NIPBL: variants seen among roughly 807,000 people sequenced by gnomAD.
The protein encoded by NIPBL is NIPBL cohesin loading factor.
NIPBL carries 19 observed loss-of-function variants against 321.8 expected under a neutral mutation model. The ratio of observed to expected loss-of-function variants is 0.06; its 90% CI spans 0.04 to 0.09. The LOEUF (loss-of-function observed/expected upper bound fraction) is 0.09, where lower values mean the gene tolerates loss of function less well. Among genes scored for constraint, NIPBL ranks in the 10% least tolerant of loss-of-function variants. The probability of loss-of-function intolerance (pLI) is 1.00; values close to 1 mark genes in which losing one functional copy is unlikely to be tolerated. For synonymous variants in NIPBL, 1,106 were observed against 1,114.1 expected, an observed-to-expected ratio of 0.99 and a Z score of 0.14; for missense variants, 2,210 against 3,327.0, an observed-to-expected ratio of 0.66 and a Z score of 8.26.
intron 10 of NIPBL, among the ~76,000 whole-genome samples, chr5:36,991,919 A>G (rs1355473881): frequency 1.3e-5 from 2 of 152,150 alleles, no homozygotes; most frequent in Non-Finnish European, 2.9e-5. Context: ...TTTTAAAAAG[A>G]AAACAGAACA....
Position 37,020,632 on chromosome 5 carries a change from A to T in NIPBL, c.5184A>T (p.Arg1728Ser), listed in dbSNP as rs780843089. The T allele has an allele frequency of 6.2e-7, 1 of 1,614,152 alleles. No individual in the cohort carries two copies. The highest frequency in any genetic ancestry group is 8.5e-7 in the Non-Finnish European group (1 of 1,180,018). Residue 1728 changes from arginine (R) to serine (S), a missense_variant, in exon 26 of 47, where the codon AGA becomes AGT. Arg to Ser is a moderately radical substitution (Grantham distance 110). Transcript: ENST00000282516. ...HRAENRKKFL[R>S]SIIKTTPSQF... ...CTGAAAACCGAAAAAAGTTTCTTAG[A>T]AGCATTATCAAAACCACACCTTCTC...
intron 38 of NIPBL, 112 bp from the exon 39 acceptor site, chr5:37,048,390 G>T: frequency 1.7e-6 from 1 of 576,974 alleles, no homozygotes; most frequent in South Asian, 4.4e-5. Flanking sequence ...GTCATTTTAA[G>T]TTTTAATTTT....
intron 1 of NIPBL, among the ~76,000 whole-genome samples, chr5:36,916,302 T>G (rs552200215): frequency 6.6e-6 from 1 of 152,372 alleles, no homozygotes; most frequent in East Asian, 1.9e-4. Flanking sequence ...AACTTACTGC[T>G]TTAGTTTGAA....
At chr5:37,062,042 A>G (rs1228777576) in intron 45 of NIPBL, among the ~76,000 whole-genome samples, 2 of 152,134 alleles carry the variant, frequency 1.3e-5, no homozygotes, top group Non-Finnish European at 2.9e-5. Context: ...GGGTTTCACC[A>G]TGTTGGCCAG....
intron 1 of NIPBL, among the ~76,000 whole-genome samples, chr5:36,890,531 A>G (rs777172746): frequency 1.6e-4 from 24 of 152,146 alleles, no homozygotes; most frequent in Non-Finnish European, 2.1e-4. Flanking sequence ...TCTTTTTACT[A>G]TATATTTTTA....
At chr5:36,884,754 A>G (rs1325744867) in intron 1 of NIPBL, among the ~76,000 whole-genome samples, 1 of 152,226 alleles carries the variant, frequency 6.6e-6, no homozygotes, top group Admixed American at 6.5e-5. Flanking sequence ...ATCTAAGATT[A>G]GTGAATGGCA....
chr5:37,064,028 A>G, intron 46 of NIPBL, 50 bp downstream of exon 46: 1 of 1,598,606 alleles, frequency 6.3e-7, no homozygotes, highest in Non-Finnish European at 8.5e-7. Flanking sequence ...ACGTAAAATG[A>G]TTTTTATGTG....
intron 1 of NIPBL, among the ~76,000 whole-genome samples, chr5:36,878,108 T>TA (rs1372548080): frequency 6.6e-6 from 1 of 152,254 alleles, no homozygotes; most frequent in Non-Finnish European, 1.5e-5. Context: ...TGTGCTGAGA[T>TA]ACGGGTAAAA....
intron 21 of NIPBL, 85 bp from the exon 22 acceptor site, chr5:37,014,598 C>T (rs1048021584): frequency 7.6e-6 from 6 of 794,166 alleles, no homozygotes; most frequent in Middle Eastern, 2.6e-4. Flanking sequence ...AATATATTAC[C>T]CCTCTTCAGT....
intron 1 of NIPBL, chr5:36,886,105 T>TA: frequency 1.5e-6 from 1 of 674,838 alleles, no homozygotes; most frequent in Non-Finnish European, 2.7e-6. Context: ...AGCTGAGACA[T>TA]ACGGTCCAGT....
At chr5:37,034,403 C>A (rs1436970575) in intron 32 of NIPBL, among the ~76,000 whole-genome samples, 1 of 152,140 alleles carries the variant, frequency 6.6e-6, no homozygotes, top group Non-Finnish European at 1.5e-5. Flanking sequence ...TATATACACA[C>A]AAAAGAATCT....
intron 6 of NIPBL, 38 bp from the exon 7 acceptor site, chr5:36,970,838 T>C: frequency 6.5e-7 from 1 of 1,546,256 alleles, no homozygotes. Flanking sequence ...ATGTTAAGAA[T>C]CTTTTATTAA....
intron 34 of NIPBL, among the ~76,000 whole-genome samples, chr5:37,043,585 C>T (rs1752679382): frequency 6.6e-6 from 1 of 151,832 alleles, no homozygotes; most frequent in African/African-American, 2.4e-5. Context: ...GCCTGTAGTC[C>T]TAGCTACTCG....
intron 1 of NIPBL, among the ~76,000 whole-genome samples, chr5:36,908,692 A>C (rs1747826848): frequency 6.6e-6 from 1 of 152,230 alleles, no homozygotes; most frequent in Non-Finnish European, 1.5e-5. Context: ...CAGTGTCCAA[A>C]ATTGCATCCA....
intron 2 of NIPBL, among the ~76,000 whole-genome samples, chr5:36,954,098 AT>A (rs1465808366): frequency 1.3e-5 from 2 of 152,172 alleles, no homozygotes; most frequent in Non-Finnish European, 2.9e-5. Context: ...TTTGTTAGGC[AT>A]TTGTAACTAT....
At position 36,906,203 on chromosome 5, in the gene NIPBL, AT is replaced by A. The variant is rs141775306; in HGVS notation, c.-80+29026del. 3.6e-4 allele frequency among the ~76,000 whole-genome samples: 55 copies of A among 152,326 alleles called. No individual in the cohort carries two copies. In the East Asian group the frequency reaches 0.01, roughly 29 times the overall value. Reference sequence around the variant, plus strand: ...CCTACCATTTCTGCGAATGAAGTATATAATCATTATCTAATATAGCTAATAT... The same window carrying A: ...CCTACCATTTCTGCGAATGAAGTATAAATCATTATCTAATATAGCTAATAT... On this transcript the variant is annotated intron_variant, in intron 1 of 46. Transcript: ENST00000282516.
chr5:36,999,943 T>C lies in NIPBL; in HGVS notation c.3305-430T>C, dbSNP rs187922532. Among the ~76,000 whole-genome samples the C allele has an allele frequency of 3.3e-3, 510 of 152,294 alleles. 2 individuals are homozygous for C. Among genetic ancestry groups the C allele is most frequent in the African/African-American group, 0.012 (490 of 41,562 alleles). ...TGTAACACTTTCTCAAAAGTTGACTTTTCCTCCAAACCCTGCTCCCCATCA... is the reference window on the plus strand; with the variant it reads ...TGTAACACTTTCTCAAAAGTTGACTCTTCCTCCAAACCCTGCTCCCCATCA... On this transcript the variant is annotated intron_variant, in intron 11 of 46. Coordinates refer to ENST00000282516, the MANE Select transcript of NIPBL (RefSeq NM_133433.4).
Position 37,008,285 on chromosome 5 carries a change from A to G in NIPBL, c.4320+197A>G, listed in dbSNP as rs144716043. On this transcript the variant is annotated intron_variant, in intron 19 of 46. Transcript: ENST00000282516. ...TTCTGTTTGGTTAATTTGTTGGGTT[A>G]TTCTGTTTTTGTCACATTTAAAACA... is the stretch of plus-strand genomic sequence containing the variant. Among the ~76,000 whole-genome samples the G allele has an allele frequency of 7.9e-5, 12 of 152,186 alleles. No homozygotes were observed. The East Asian group carries it at 2.3e-3, about 29-fold the overall frequency.
rs1489585114 is a variant in NIPBL at position 36,952,058 on chromosome 5, G to GCGCA, written c.-79-1557_-79-1556insACGC. 2.0e-4 allele frequency among the ~76,000 whole-genome samples: 19 copies of GCGCA among 92,958 alleles called. No individual in the cohort carries two copies. In the South Asian group the frequency reaches 2.1e-3, roughly 10 times the overall value. The allele number at this position is 92,958 out of a possible 152,430, so 61.0% of individuals were successfully genotyped here. A position where few individuals can be genotyped will look rare whatever the true frequency, so the allele number is the denominator to read the frequency against. On this transcript the variant is annotated intron_variant, in intron 1 of 46. Coordinates refer to ENST00000282516, the MANE Select transcript of NIPBL (RefSeq NM_133433.4). ...TGTGTGTGTGTGTGTGTGTGTGCGCGCGCGCGCGCGCGCGCATGTGTGTGT... is the reference window on the plus strand; with the variant it reads ...TGTGTGTGTGTGTGTGTGTGTGCGCGCGCACGCGCGCGCGCGCGCATGTGTGTGT...
Sources: allele counts gnomAD v4.1 joint callset (sites outside exome capture counted in the v4.1 genomes callset), GRCh38; gene constraint gnomAD v4.1.1; transcripts MANE v1.5; gene names NCBI Gene and HGNC (gene_info 2026-07-23, HGNC 2026-07-21).